Variants in CRACD observed in about 807,000 individuals in gnomAD.
CRACD encodes the protein capping protein inhibiting regulator of actin dynamics.
A neutral mutation model predicts 106.8 loss-of-function variants in CRACD; 56 were observed. That is an observed-to-expected ratio of 0.52 (90% CI 0.42 to 0.66). The LOEUF (loss-of-function observed/expected upper bound fraction) is 0.66. CRACD is among the 30% of genes least tolerant of loss of function. CRACD has a pLI of 0.00. For missense variants in CRACD, 1,730 were observed against 1,623.2 expected (o/e 1.07, Z -1.13); for synonymous variants, 754 against 670.8 (o/e 1.12, Z -1.92).
At chr4:56,236,539 G>A (rs1472741697) in intron 2 of CRACD, among the ~76,000 whole-genome samples, 1 of 152,154 alleles carries the variant, frequency 6.6e-6, no homozygotes, top group African/African-American at 2.4e-5. Flanking sequence ...AGAGATGACA[G>A]CTTTGAACTA....
intron 1 of CRACD, among the ~76,000 whole-genome samples, chr4:56,168,946 C>T (rs984672): frequency 6.6e-6 from 1 of 151,810 alleles, no homozygotes; most frequent in Non-Finnish European, 1.5e-5. Flanking sequence ...CATAGAAAAA[C>T]GTCATCAGTA....
At chr4:56,243,923 C>T (rs1740516526) in intron 2 of CRACD, among the ~76,000 whole-genome samples, 1 of 152,116 alleles carries the variant, frequency 6.6e-6, no homozygotes, top group South Asian at 2.1e-4. Context: ...CCCTCAAAGC[C>T]CCTTACTACC....
At chr4:56,152,918 T>C (rs1471718708) in intron 1 of CRACD, among the ~76,000 whole-genome samples, 3 of 152,214 alleles carry the variant, frequency 2.0e-5, no homozygotes, top group Admixed American at 2.0e-4. Flanking sequence ...TTCCCTGTCT[T>C]TTCTGTTGCC....
intron 1 of CRACD, among the ~76,000 whole-genome samples, chr4:56,136,575 T>G (rs1357485548): frequency 6.6e-6 from 1 of 152,168 alleles, no homozygotes; most frequent in Non-Finnish European, 1.5e-5. Context: ...TGTCAAGTCT[T>G]TTGCCCATTT....
intron 1 of CRACD, among the ~76,000 whole-genome samples, chr4:56,130,238 T>G (rs1350786998): frequency 1.3e-5 from 2 of 152,140 alleles, no homozygotes; most frequent in Non-Finnish European, 2.9e-5. Context: ...TACTTCAGCC[T>G]GGGTGACAGA....
intron 1 of CRACD, among the ~76,000 whole-genome samples, chr4:56,070,285 A>G (rs1205941623): frequency 2.1e-5 from 3 of 144,698 alleles, no homozygotes; most frequent in African/African-American, 7.7e-5. Context: ...CTCTCTCCCT[A>G]TCTGAGTCCT....
At chr4:56,321,841 A>G (rs1210148570) in intron 8 of CRACD, among the ~76,000 whole-genome samples, 1 of 152,236 alleles carries the variant, frequency 6.6e-6, no homozygotes, top group Admixed American at 6.5e-5. Context: ...CATTATAAAT[A>G]TGAATTCTCT....
chr4:56,229,231 G>A (rs751026434), intron 2 of CRACD, among the ~76,000 whole-genome samples: 2 of 152,176 alleles, frequency 1.3e-5, no homozygotes, highest in Non-Finnish European at 2.9e-5. Context: ...CCAAGGTGAT[G>A]ATATTAGAAG....
At chr4:56,069,658 A>G (rs940345500) in intron 1 of CRACD, among the ~76,000 whole-genome samples, 2 of 152,222 alleles carry the variant, frequency 1.3e-5, no homozygotes, top group African/African-American at 2.4e-5. Context: ...ACTTCCCCCC[A>G]GGGAACATTA....
At position 56,266,256 on chromosome 4, in the gene CRACD, TA is replaced by T. The variant is rs370280854; in HGVS notation, c.-188-6064del. 3.3e-5 allele frequency among the ~76,000 whole-genome samples: 5 copies of T among 152,328 alleles called. No homozygotes were observed. The South Asian group carries it at 1.0e-3, about 32-fold the overall frequency. On this transcript the variant is annotated intron_variant, in intron 2 of 10. Transcript: ENST00000682029. ...ATGTGGCAAACACTGCCTTTTTTCCTATAAATTCAGTCTTACAGCTTAAGAT... is the reference window on the plus strand; with the variant it reads ...ATGTGGCAAACACTGCCTTTTTTCCTTAAATTCAGTCTTACAGCTTAAGAT...
intron 1 of CRACD, among the ~76,000 whole-genome samples, chr4:56,133,274 G>A (rs578239381): frequency 2.0e-4 from 30 of 152,316 alleles, no homozygotes; most frequent in African/African-American, 6.5e-4. Context: ...ATATATAGAT[G>A]TGAAAACTCC....
At chr4:56,247,946 T>C (rs1368413667) in intron 2 of CRACD, among the ~76,000 whole-genome samples, 2 of 152,158 alleles carry the variant, frequency 1.3e-5, no homozygotes, top group African/African-American at 4.8e-5. Context: ...CACAGTATTT[T>C]ATCACGATAA....
chr4:56,254,753 CT>C (rs1487926169), intron 2 of CRACD, among the ~76,000 whole-genome samples: 2 of 151,872 alleles, frequency 1.3e-5, no homozygotes, highest in Non-Finnish European at 1.5e-5. Flanking sequence ...GAGAATTTGA[CT>C]TTAAACTCAC....
intron 5 of CRACD, chr4:56,308,990 G>A (rs1286630886): frequency 1.2e-6 from 1 of 860,000 alleles, no homozygotes; most frequent in African/African-American, 1.7e-5. Context: ...CATCTCTGTA[G>A]TTTACACCCT....
intron 3 of CRACD, among the ~76,000 whole-genome samples, chr4:56,287,108 T>G (rs1332726501): frequency 1.3e-5 from 2 of 152,168 alleles, no homozygotes; most frequent in African/African-American, 4.8e-5. Flanking sequence ...AGTACTATGT[T>G]TTTATTCTAT....
At position 56,314,803 on chromosome 4, in the gene CRACD, A is replaced by C; in HGVS notation, c.1301A>C (p.Glu434Ala). Residue 434 changes from glutamate to alanine, a missense_variant, in exon 8 of 11, where the codon GAA (glutamate) becomes GCA (alanine). Physicochemically the swap from Glu to Ala is moderately radical, Grantham distance 107. This residue lies in a region of CRACD where 1,620 missense variants were observed against 1,481.6 expected (regional missense o/e 1.09). Coordinates refer to ENST00000682029, the MANE Select transcript of CRACD (RefSeq NM_001393381.1). This position sits in a 1 kb window ranked among gnomAD's most constrained non-coding sequence, Gnocchi z 4.4. ...NDFEERLEDQERLKPEGQREH... is the reference protein window; with the variant it reads ...NDFEERLEDQARLKPEGQREH... ...TTTGAGGAGAGGCTCGAAGACCAGG[A>C]ACGCCTGAAACCCGAAGGACAAAGA... 2.5e-6 allele frequency: 4 copies of C among 1,604,916 alleles called. No homozygotes were observed. Among genetic ancestry groups the C allele is most frequent in the Non-Finnish European group, 3.4e-6 (4 of 1,176,984 alleles).
At chr4:56,094,240 G>C (rs1733519391) in intron 1 of CRACD, among the ~76,000 whole-genome samples, 1 of 152,074 alleles carries the variant, frequency 6.6e-6, no homozygotes, top group Non-Finnish European at 1.5e-5. Context: ...TTGAATCCTT[G>C]CTGTCTCAAG....
intron 1 of CRACD, among the ~76,000 whole-genome samples, chr4:56,176,066 T>C (rs1736571577): frequency 6.6e-6 from 1 of 152,228 alleles, no homozygotes; most frequent in African/African-American, 2.4e-5. Flanking sequence ...CTTGGTGCCT[T>C]TGTTGAAAAT....
chr4:56,233,811 C>A (rs1739785320), intron 2 of CRACD, among the ~76,000 whole-genome samples: 1 of 152,158 alleles, frequency 6.6e-6, no homozygotes, highest in Admixed American at 6.5e-5. Context: ...AATATTGAGT[C>A]TTCCAACCCA....
Sources: gnomAD v4.1 joint callset for allele counts (sites outside exome capture counted in the v4.1 genomes callset) on GRCh38, gnomAD v4.1.1 for gene constraint, gnomAD v4.1.1 regional missense constraint, Gnocchi (gnomAD v3.1) non-coding constraint, MANE v1.5 for transcripts, NCBI Gene and HGNC (gene_info 2026-07-23, HGNC 2026-07-21) for gene names.